The following PRLR variants were observed in gnomAD, a reference collection of about 807,000 sequenced individuals.
The protein encoded by PRLR is hPRL receptor.
In PRLR, 13 loss-of-function variants were observed where a neutral mutation model predicts 40.2. That is an observed-to-expected ratio of 0.32 (90% confidence interval 0.21 to 0.51). PRLR has a LOEUF of 0.51. PRLR is among the 20% of genes least tolerant of loss of function. PRLR has a pLI of 0.97. For missense variants in PRLR, 656 were observed against 747.3 expected, an observed-to-expected ratio of 0.88 and a Z score of 1.42; for synonymous variants, 269 against 278.7, an observed-to-expected ratio of 0.97 and a Z score of 0.35.
chr5:35,131,571 A>G lies in PRLR; in HGVS notation c.-105-13449T>C, dbSNP rs140284349. ...AGCCTGGCAACCTTCATTTAACCCC[A>G]AACAAAGGATGCTGATCCCCTGTAT... On this transcript the variant is annotated intron_variant, in intron 1 of 9. Coordinates refer to ENST00000618457, the MANE Select transcript of PRLR (RefSeq NM_000949.7). Among the ~76,000 whole-genome samples the G allele has an allele frequency of 5.2e-3, 786 of 152,314 alleles. 6 individuals carry two copies. Among genetic ancestry groups the G allele is most frequent in the African/African-American group, 0.018 (735 of 41,558 alleles).
Position 35,084,603 on chromosome 5 carries a change from G to C in PRLR, c.240C>G (p.Thr80=). 6.2e-7 allele frequency: 1 copy of C among 1,610,650 alleles called. No homozygotes were observed. Among genetic ancestry groups the C allele is most frequent in the Non-Finnish European group, 8.5e-7 (1 of 1,178,696 alleles). Reference sequence around the variant, plus strand: ...CAAAGTGGCAGGAGTTGGGGCCACCGGTTATGTAGTCTGGACATTCATGCA... The same window carrying C: ...CAAAGTGGCAGGAGTTGGGGCCACCCGTTATGTAGTCTGGACATTCATGCA... ...TLMHECPDYI[T]GGPNSCHFGK... The change falls in exon 5 of 10, where the codon ACC becomes ACG. Residue 80 remains threonine (T), a synonymous_variant. Transcript: ENST00000618457.
intron 1 of PRLR, among the ~76,000 whole-genome samples, chr5:35,124,429 G>T (rs1335563916): frequency 1.3e-5 from 2 of 152,104 alleles, no homozygotes; most frequent in African/African-American, 2.4e-5. Context: ...TTGGATCAGG[G>T]CTACAAGACC....
chr5:35,111,821 G>T (rs1772678914), intron 2 of PRLR, among the ~76,000 whole-genome samples: 1 of 152,180 alleles, frequency 6.6e-6, no homozygotes, highest in Non-Finnish European at 1.5e-5. Context: ...GTGCACAGAA[G>T]AAAGACTGGA....
intron 5 of PRLR, among the ~76,000 whole-genome samples, chr5:35,078,269 GT>G (rs1251118549): frequency 3.3e-5 from 5 of 152,160 alleles, no homozygotes; most frequent in Admixed American, 6.5e-5. Flanking sequence ...TCCAGGAGCG[GT>G]TTTTTGAAAA....
intron 5 of PRLR, among the ~76,000 whole-genome samples, chr5:35,074,880 T>C (rs895274340): frequency 6.6e-6 from 1 of 152,008 alleles, no homozygotes; most frequent in Non-Finnish European, 1.5e-5. Context: ...AAGACTTAGG[T>C]GCTGGGGTGC....
At chr5:35,131,120 G>T (rs1261616104) in intron 1 of PRLR, among the ~76,000 whole-genome samples, 2 of 152,164 alleles carry the variant, frequency 1.3e-5, no homozygotes, top group Admixed American at 6.5e-5. Flanking sequence ...TAATACAGAT[G>T]ATTTATATGT....
At chr5:35,203,932 G>T (rs1775943951) in intron 1 of PRLR, among the ~76,000 whole-genome samples, 1 of 151,954 alleles carries the variant, frequency 6.6e-6, no homozygotes, top group South Asian at 2.1e-4. Context: ...AAGTCGGATT[G>T]ATTTTTTGAG....
intron 1 of PRLR, among the ~76,000 whole-genome samples, chr5:35,146,239 T>C: frequency 6.6e-6 from 1 of 152,200 alleles, no homozygotes; most frequent in Non-Finnish European, 1.5e-5. Flanking sequence ...AAAGAGAGTA[T>C]ATATAGATAA....
At chr5:35,099,368 C>A (rs1266180552) in intron 2 of PRLR, among the ~76,000 whole-genome samples, 1 of 152,182 alleles carries the variant, frequency 6.6e-6, no homozygotes, top group Non-Finnish European at 1.5e-5. Context: ...ATGCTTTACG[C>A]CGTGTTTGTG....
At chr5:35,168,324 A>G (rs572031010) in intron 1 of PRLR, among the ~76,000 whole-genome samples, 2 of 152,228 alleles carry the variant, frequency 1.3e-5, no homozygotes, top group Admixed American at 1.3e-4. Context: ...AAGGGCATAG[A>G]TGATTTCTCA....
At chr5:35,210,755 G>A (rs557734987) in intron 1 of PRLR, among the ~76,000 whole-genome samples, 1 of 152,160 alleles carries the variant, frequency 6.6e-6, no homozygotes. Flanking sequence ...TGTTATCCAG[G>A]CTGGAGTGCA....
intron 5 of PRLR, chr5:35,082,065 G>T: frequency 6.5e-6 from 1 of 153,084 alleles, no homozygotes; most frequent in South Asian, 1.9e-4. Context: ...AGCTGCTGGC[G>T]AGTCCCTGTG....
intron 1 of PRLR, among the ~76,000 whole-genome samples, chr5:35,142,553 A>C (rs773245951): frequency 6.6e-6 from 1 of 152,232 alleles, no homozygotes; most frequent in African/African-American, 2.4e-5. Flanking sequence ...TGAAAGCACC[A>C]ATTATCTACC....
chr5:35,089,677 T>C lies in PRLR; in HGVS notation c.-43-14A>G. ...ATCAGAAGTTCACTGGAAGAGAAGG[T>C]AGCAGGTAACTTTTGTGAAATGGCA... is the stretch of plus-strand genomic sequence containing the variant. On this transcript the variant is annotated splice_polypyrimidine_tract_variant and intron_variant, in intron 2 of 9. Transcript: ENST00000618457. The C allele has an allele frequency of 3.1e-6, 5 of 1,588,516 alleles. No individual in the cohort carries two copies. Among genetic ancestry groups the C allele is most frequent in the Non-Finnish European group, 4.3e-6 (5 of 1,157,168 alleles).
At position 35,211,072 on chromosome 5, in the gene PRLR, A is replaced by G. The variant is rs188371008; in HGVS notation, c.-106+19196T>C. On this transcript the variant is annotated intron_variant, in intron 1 of 9. Transcript: ENST00000618457. ...TAATTTCTATACAAAGAAGGATTTT[A>G]GTTTTGTTCTTATTCCAACACACCG... Among the ~76,000 whole-genome samples the G allele has an allele frequency of 1.7e-4, 26 of 152,306 alleles. No individual in the cohort carries two copies. In the East Asian group the frequency reaches 5.0e-3, roughly 29 times the overall value.
chr5:35,213,918 G>A (rs1019185789), intron 1 of PRLR, among the ~76,000 whole-genome samples: 17 of 152,196 alleles, frequency 1.1e-4, no homozygotes, highest in African/African-American at 4.1e-4. Flanking sequence ...TCCCGGTCCT[G>A]GAGGCCTTTG....
downstream of PRLR, among the ~76,000 whole-genome samples, chr5:35,052,394 C>T (rs986459230): frequency 6.6e-6 from 1 of 152,094 alleles, no homozygotes; most frequent in Non-Finnish European, 1.5e-5. Flanking sequence ...GTTTTAAAAT[C>T]AGTTAAGATA....
rs145687080 is a variant in PRLR, at chr5:35,133,086, C to T, written c.-105-14964G>A. On this transcript the variant is annotated intron_variant, in intron 1 of 9. Coordinates refer to ENST00000618457, the MANE Select transcript of PRLR (RefSeq NM_000949.7). ...TCTATTCCTGCCCTTGGACTTCAGA[C>T]CCCTGGTTCTTAGGGCTTTAGACTC... 4.5e-4 allele frequency among the ~76,000 whole-genome samples: 69 copies of T among 152,192 alleles called. 1 individual carries two copies. In the East Asian group the frequency reaches 0.013, roughly 29 times the overall value.
In PRLR at chr5:35,169,718, T is replaced by C. The variant is rs574667526; in HGVS notation, c.-105-51596A>G. On this transcript the variant is annotated intron_variant, in intron 1 of 9. Transcript: ENST00000618457. The stretch of plus-strand genomic sequence containing the variant: ...CAACACCCACGAGGGTTAGCTTTTA[T>C]CTTGTTCCTTACCCTAGACTTTTTG... Among the ~76,000 whole-genome samples, 6 of 152,368 alleles carry C rather than the reference T, an allele frequency of 3.9e-5. No homozygotes were observed. The South Asian group carries it at 8.3e-4, about 21-fold the overall frequency.
Sources: gnomAD v4.1 joint callset for allele counts (sites outside exome capture counted in the v4.1 genomes callset) on GRCh38, gnomAD v4.1.1 for gene constraint, MANE v1.5 for transcripts, NCBI Gene and HGNC (gene_info 2026-07-23, HGNC 2026-07-21) for gene names.